The following MECOM variants were observed in gnomAD, a reference collection of about 807,000 sequenced individuals.
The protein encoded by MECOM is MDS1 and EVI1 complex locus.
MECOM carries 13 observed loss-of-function variants against 116.3 expected under a neutral mutation model. That is an observed-to-expected ratio of 0.11 (90% CI 0.07 to 0.18). The LOEUF is 0.18. Among genes scored for constraint, MECOM ranks in the 10% least tolerant of loss-of-function variants. The pLI, the probability that MECOM is intolerant of heterozygous loss-of-function variation, is 1.00. For synonymous variants in MECOM, 528 were observed against 535.2 expected, an observed-to-expected ratio of 0.99 and a Z score of 0.19; for missense variants, 1,299 against 1,509.0, an observed-to-expected ratio of 0.86 and a Z score of 2.31.
intron 1 of MECOM, among the ~76,000 whole-genome samples, chr3:169,619,121 T>G (rs1332506552): frequency 6.6e-6 from 1 of 152,186 alleles, no homozygotes; most frequent in Admixed American, 6.5e-5. Flanking sequence ...GGTGGCATTT[T>G]CACAGTTAAT....
intron 2 of MECOM, among the ~76,000 whole-genome samples, chr3:169,208,590 T>C (rs1750271237): frequency 6.6e-6 from 1 of 151,924 alleles, no homozygotes; most frequent in African/African-American, 2.4e-5. Context: ...TTATTTAAAT[T>C]ACCTTATATG....
chr3:169,390,277 G>T (rs919469250), intron 1 of MECOM, among the ~76,000 whole-genome samples: 1 of 152,138 alleles, frequency 6.6e-6, no homozygotes, highest in Non-Finnish European at 1.5e-5. Context: ...GTATTTCCTG[G>T]AAAGACACTC....
chr3:169,157,809 G>GT (rs1742217109), intron 2 of MECOM, among the ~76,000 whole-genome samples: 1 of 152,152 alleles, frequency 6.6e-6, no homozygotes, highest in Non-Finnish European at 1.5e-5. Flanking sequence ...ACAACTAGAA[G>GT]GGGGGGATGC....
In MECOM at chr3:169,190,145, G is replaced by T. The variant is rs1476115342; in HGVS notation, c.376-46313C>A. ...AGACAGTCAATTTTTAAGCTTACTT[G>T]CAACACAAAAATAGTATTCACATAT... On this transcript the variant is annotated intron_variant, in intron 2 of 16. Transcript: ENST00000651503. Among the ~76,000 whole-genome samples the T allele has an allele frequency of 4.6e-5, 7 of 152,014 alleles. No homozygotes were observed. In the East Asian group the frequency reaches 1.4e-3, roughly 29 times the overall value.
chr3:169,172,349 T>C (rs1744547145), intron 2 of MECOM, among the ~76,000 whole-genome samples: 1 of 152,072 alleles, frequency 6.6e-6, no homozygotes, highest in Admixed American at 6.6e-5. Context: ...CAATGTCTTT[T>C]CTTACTTTCC....
chr3:169,570,467 G>A (rs1763755005), intron 1 of MECOM, among the ~76,000 whole-genome samples: 5 of 152,078 alleles, frequency 3.3e-5, no homozygotes, highest in Admixed American at 1.3e-4. Flanking sequence ...GAAAAAGAGG[G>A]ACTCCTCCCT....
chr3:169,492,391 A>G (rs1560350287), intron 1 of MECOM, among the ~76,000 whole-genome samples: 1 of 152,200 alleles, frequency 6.6e-6, no homozygotes. Context: ...CCATTATTAT[A>G]GGTTTGGCCA....
chr3:169,425,817 C>T (rs1740564877), intron 1 of MECOM, among the ~76,000 whole-genome samples: 1 of 152,002 alleles, frequency 6.6e-6, no homozygotes, highest in Non-Finnish European at 1.5e-5. Flanking sequence ...TTCAGTGCAG[C>T]CATATGTTGA....
intron 1 of MECOM, among the ~76,000 whole-genome samples, chr3:169,417,206 C>T (rs1738802602): frequency 6.6e-6 from 1 of 150,944 alleles, no homozygotes; most frequent in African/African-American, 2.4e-5. Flanking sequence ...ACAACCTACT[C>T]ATCTGACAAA....
intron 2 of MECOM, among the ~76,000 whole-genome samples, chr3:169,281,929 G>A (rs1712134148): frequency 6.6e-6 from 1 of 152,204 alleles, no homozygotes; most frequent in Non-Finnish European, 1.5e-5. Flanking sequence ...TTGTTGTTTT[G>A]CACATTATTT....
intron 2 of MECOM, among the ~76,000 whole-genome samples, chr3:169,332,050 C>T (rs1207875110): frequency 1.3e-5 from 2 of 149,730 alleles, no homozygotes; most frequent in African/African-American, 4.9e-5. Context: ...TCTACAGACT[C>T]TTATCCTAAA....
intron 1 of MECOM, among the ~76,000 whole-genome samples, chr3:169,653,810 C>T (rs1016427249): frequency 6.6e-6 from 1 of 152,130 alleles, no homozygotes; most frequent in Admixed American, 6.5e-5. Context: ...AACTGAGGCA[C>T]AAAAAGGTTA....
intron 2 of MECOM, among the ~76,000 whole-genome samples, chr3:169,193,170 C>A (rs981584556): frequency 6.6e-6 from 1 of 151,942 alleles, no homozygotes; most frequent in Non-Finnish European, 1.5e-5. Flanking sequence ...ACATGAAAAT[C>A]CTGCACTTAG....
chr3:169,092,799 C>T (rs548460753), intron 14 of MECOM, among the ~76,000 whole-genome samples, 159 bp downstream of exon 14: 4 of 152,242 alleles, frequency 2.6e-5, no homozygotes, highest in East Asian at 1.9e-4. Context: ...ATGTAAAATG[C>T]TTGGAAGCAT....
At chr3:169,571,606 A>G (rs1763916728) in intron 1 of MECOM, among the ~76,000 whole-genome samples, 1 of 152,238 alleles carries the variant, frequency 6.6e-6, no homozygotes, top group South Asian at 2.1e-4. Flanking sequence ...ACAAGGCTAC[A>G]GTAACCAAAA....
At chr3:169,453,041 G>A (rs1745864339) in intron 1 of MECOM, among the ~76,000 whole-genome samples, 1 of 152,154 alleles carries the variant, frequency 6.6e-6, no homozygotes, top group Non-Finnish European at 1.5e-5. Context: ...TGAATGGAAT[G>A]GGAAATAGTA....
At chr3:169,617,105 A>AT (rs1276297303) in intron 1 of MECOM, among the ~76,000 whole-genome samples, 8 of 152,086 alleles carry the variant, frequency 5.3e-5, no homozygotes, top group Non-Finnish European at 7.4e-5. Context: ...AACCCAGTAT[A>AT]TTTTTTTAAG....
intron 2 of MECOM, among the ~76,000 whole-genome samples, chr3:169,300,790 C>G (rs530899761): frequency 1.3e-5 from 2 of 152,290 alleles, no homozygotes; most frequent in South Asian, 4.1e-4. Flanking sequence ...CGGGTTCCAA[C>G]CAGAGGAGAG....
chr3:169,387,121 T>C (rs1395503102), intron 1 of MECOM, among the ~76,000 whole-genome samples: 1 of 152,198 alleles, frequency 6.6e-6, no homozygotes, highest in East Asian at 1.9e-4. Flanking sequence ...ATATGTCTTT[T>C]GTGATTTTTA....
Sources: gnomAD v4.1 joint callset for allele counts (sites outside exome capture counted in the v4.1 genomes callset) on GRCh38, gnomAD v4.1.1 for gene constraint, MANE v1.5 for transcripts, NCBI Gene and HGNC (gene_info 2026-07-23, HGNC 2026-07-21) for gene names.